Variants in IL1RAPL1 observed in about 807,000 individuals in gnomAD.
IL1RAPL1 encodes interleukin-1 receptor accessory protein-like 1.
In IL1RAPL1, 3 loss-of-function variants were observed where a neutral mutation model predicts 48.4. The observed-to-expected ratio is 0.06, with a 90% CI of 0.03 to 0.16. The LOEUF is 0.16. IL1RAPL1 is among the 10% of genes least tolerant of loss of function. IL1RAPL1 has a pLI of 1.00. For synonymous variants in IL1RAPL1, 185 were observed against 187.7 expected (o/e 0.99, Z 0.12); for missense variants, 349 against 530.6 (o/e 0.66, Z 3.36).
intron 2 of IL1RAPL1, among the ~76,000 whole-genome samples, chrX:28,972,840 C>T (rs774699789): frequency 9.7e-4 from 108 of 111,344 alleles, no homozygotes; most frequent in African/African-American, 3.3e-3. Context: ...TTAAACCTGA[C>T]CCATTTCACC....
Position 29,932,767 on chromosome X carries a change from CTCT to C in IL1RAPL1, c.1058-8882_1058-8880del, listed in dbSNP as rs980038823. Among the ~76,000 whole-genome samples, 375 of 110,836 alleles carry C rather than the reference CTCT, an allele frequency of 3.4e-3. 1 individual carries two copies. The highest frequency in any genetic ancestry group is 0.011 in the African/African-American group (327 of 30,015). ...CACTTAAGTGCTCAATAAATATCAG[CTCT>C]TATTATTATTATTTATTATTATCTG... On this transcript the variant is annotated intron_variant, in intron 8 of 10. Transcript: ENST00000378993.
intron 2 of IL1RAPL1, among the ~76,000 whole-genome samples, chrX:29,092,471 G>A (rs1281630839): frequency 9.0e-6 from 1 of 111,247 alleles, no homozygotes; most frequent in African/African-American, 3.3e-5. Flanking sequence ...ACTAACTGTG[G>A]TTTATACACA....
chrX:29,766,368 G>GATAT lies in IL1RAPL1; in HGVS notation c.778+97867_778+97868insTATA, dbSNP rs1379988075. On this transcript the variant is annotated intron_variant, in intron 6 of 10. Transcript: ENST00000378993. ...ATATATATATATATATATATAGATA[G>GATAT]ATAGATAGATAGATAGATATTTTTA... Among the ~76,000 whole-genome samples the GATAT allele has an allele frequency of 4.1e-3, 303 of 73,738 alleles. 14 individuals carry two copies. Among genetic ancestry groups the GATAT allele is most frequent in the African/African-American group, 0.017 (294 of 17,169 alleles). The allele number at this position is 73,738 out of a possible 115,157, so 64.0% of individuals were successfully genotyped here.
chrX:28,926,890 C>T (rs1418378795), intron 2 of IL1RAPL1, among the ~76,000 whole-genome samples: 4 of 111,098 alleles, frequency 3.6e-5, no homozygotes, highest in African/African-American at 9.8e-5. Flanking sequence ...CTACATTCTC[C>T]TCTTCCCACC....
chrX:28,964,011 G>A (rs754551584), intron 2 of IL1RAPL1, among the ~76,000 whole-genome samples: 4 of 110,880 alleles, frequency 3.6e-5, no homozygotes, highest in Admixed American at 9.7e-5. Flanking sequence ...TCTGTGCTTC[G>A]TAATTGTGAC....
intron 6 of IL1RAPL1, among the ~76,000 whole-genome samples, chrX:29,837,286 T>A (rs1197220617): frequency 2.8e-5 from 2 of 70,972 alleles, no homozygotes; most frequent in African/African-American, 1.3e-4. Context: ...TATATATATA[T>A]ATATATATAT....
At chrX:29,720,667 G>A (rs756797315) in intron 6 of IL1RAPL1, among the ~76,000 whole-genome samples, 3 of 110,751 alleles carry the variant, frequency 2.7e-5, no homozygotes, top group South Asian at 7.8e-4. Flanking sequence ...ACGGGTTGAT[G>A]GGTGCAGCAA....
intron 2 of IL1RAPL1, among the ~76,000 whole-genome samples, chrX:29,164,389 A>T (rs1412713965): frequency 8.9e-6 from 1 of 112,162 alleles, no homozygotes; most frequent in African/African-American, 3.2e-5. Context: ...ACAGATATGA[A>T]CACAAAAAAA....
chrX:29,125,778 G>A (rs1447785895), intron 2 of IL1RAPL1, among the ~76,000 whole-genome samples: 1 of 109,990 alleles, frequency 9.1e-6, no homozygotes, highest in African/African-American at 3.3e-5. Flanking sequence ...GGAATAGAAG[G>A]GGAGGCAGGG....
intron 1 of IL1RAPL1, among the ~76,000 whole-genome samples, chrX:28,670,838 T>G (rs1445114809): frequency 8.9e-6 from 1 of 112,173 alleles, no homozygotes; most frequent in Non-Finnish European, 1.9e-5. Flanking sequence ...TGTCAACATG[T>G]GATAGTGAAA....
intron 5 of IL1RAPL1, among the ~76,000 whole-genome samples, chrX:29,657,951 T>C (rs769051859): frequency 9.1e-6 from 1 of 110,095 alleles, no homozygotes; most frequent in East Asian, 2.9e-4. Context: ...TCATCATTTA[T>C]CTCAATAATT....
intron 5 of IL1RAPL1, among the ~76,000 whole-genome samples, chrX:29,425,916 A>G (rs1403379886): frequency 9.0e-6 from 1 of 111,586 alleles, no homozygotes; most frequent in Non-Finnish European, 1.9e-5. Context: ...CCCTGAAGAC[A>G]TCTCAACTAG....
At chrX:28,864,077 T>C (rs1282391430) in intron 2 of IL1RAPL1, among the ~76,000 whole-genome samples, 1 of 112,143 alleles carries the variant, frequency 8.9e-6, no homozygotes, top group African/African-American at 3.2e-5. Context: ...CTATTTTTTA[T>C]TTTACCAGAT....
intron 2 of IL1RAPL1, among the ~76,000 whole-genome samples, chrX:28,810,826 T>C (rs1314600996): frequency 9.1e-6 from 1 of 110,356 alleles, no homozygotes; most frequent in Non-Finnish European, 1.9e-5. Flanking sequence ...AGATCTATTA[T>C]GCTGTTATGT....
intron 1 of IL1RAPL1, among the ~76,000 whole-genome samples, chrX:28,594,113 C>T (rs971931895): frequency 9.0e-6 from 1 of 111,269 alleles, no homozygotes; most frequent in African/African-American, 3.3e-5. Context: ...TGGAGTAACT[C>T]CTGCAGCTGT....
intron 6 of IL1RAPL1, among the ~76,000 whole-genome samples, chrX:29,813,908 CA>C (rs929731602): frequency 3.6e-5 from 4 of 111,566 alleles, no homozygotes; most frequent in African/African-American, 1.3e-4. Context: ...CATGTTGCTT[CA>C]AAGAATGATT....
chrX:29,791,365 G>A (rs1222890869), intron 6 of IL1RAPL1, among the ~76,000 whole-genome samples: 2 of 109,475 alleles, frequency 1.8e-5, no homozygotes, highest in African/African-American at 6.6e-5. Context: ...TTCATGGCAG[G>A]TATCAAAAAA....
chrX:29,099,827 G>T (rs1286524453), intron 2 of IL1RAPL1, among the ~76,000 whole-genome samples: 3 of 111,483 alleles, frequency 2.7e-5, no homozygotes, highest in Non-Finnish European at 5.6e-5. Flanking sequence ...TAATTTCTAA[G>T]ACCTTCAAAA....
At chrX:28,704,570 G>A (rs1935344519) in intron 1 of IL1RAPL1, among the ~76,000 whole-genome samples, 1 of 107,609 alleles carries the variant, frequency 9.3e-6, no homozygotes, top group African/African-American at 3.4e-5. Flanking sequence ...ATATTCAAGC[G>A]GGTAAGTAGA....
Sources: allele counts gnomAD v4.1 joint callset (sites outside exome capture counted in the v4.1 genomes callset), GRCh38; gene constraint gnomAD v4.1.1; transcripts MANE v1.5; gene names NCBI Gene and HGNC (gene_info 2026-07-23, HGNC 2026-07-21).